PHIP: variants seen among roughly 807,000 people sequenced by gnomAD.
PHIP encodes the protein PHIP subunit of CUL4-Ring ligase complex.
Under a neutral mutation model 236.8 loss-of-function variants are expected in PHIP, and 54 were observed. That is an observed-to-expected ratio of 0.23 (90% CI 0.18 to 0.29). The LOEUF is 0.29. PHIP is among the 10% of genes least tolerant of loss of function. The probability of loss-of-function intolerance (pLI) is 1.00; values close to 1 mark genes in which losing one functional copy is unlikely to be tolerated. For missense variants in PHIP, 1,370 were observed against 2,190.8 expected, an observed-to-expected ratio of 0.63 and a Z score of 7.48; for synonymous variants, 756 against 718.9, an observed-to-expected ratio of 1.05 and a Z score of -0.83.
chr6:78,985,474 A>C (rs767089302), intron 21 of PHIP, 46 bp from the exon 22 acceptor site: 14 of 920,308 alleles, frequency 1.5e-5, no homozygotes, highest in Middle Eastern at 2.1e-4. Flanking sequence ...TTTATAAAAT[A>C]ACATTTTATG....
chr6:78,967,319 ATTC>A (rs1767209122), intron 27 of PHIP, among the ~76,000 whole-genome samples: 1 of 152,218 alleles, frequency 6.6e-6, no homozygotes, highest in Non-Finnish European at 1.5e-5. Context: ...AATAAGAAGC[ATTC>A]TTGACACCAC....
At chr6:79,039,983 A>G (rs1772129302) in intron 7 of PHIP, among the ~76,000 whole-genome samples, 1 of 152,164 alleles carries the variant, frequency 6.6e-6, no homozygotes, top group Non-Finnish European at 1.5e-5. Flanking sequence ...ACAGAATTTC[A>G]TTATCAATTA....
chr6:78,951,046 TTTAA>T (rs1190937859), intron 35 of PHIP, among the ~76,000 whole-genome samples: 1 of 152,174 alleles, frequency 6.6e-6, no homozygotes, highest in Non-Finnish European at 1.5e-5. Context: ...CTGAATTTGT[TTTAA>T]TTGAGTTCAA....
intron 6 of PHIP, among the ~76,000 whole-genome samples, chr6:79,050,443 C>T (rs565626793): frequency 4.9e-4 from 74 of 152,250 alleles, no homozygotes; most frequent in Admixed American, 6.5e-4. Context: ...GGTTTAAACT[C>T]AGGCAGTCTG....
chr6:78,965,561 T>C, intron 29 of PHIP, 142 bp downstream of exon 29: 1 of 570,154 alleles, frequency 1.8e-6, no homozygotes, highest in Non-Finnish European at 3.2e-6. Flanking sequence ...TACTTCAAGG[T>C]GTACAATAAT....
intron 4 of PHIP, among the ~76,000 whole-genome samples, chr6:79,068,295 T>C (rs1342306800): frequency 1.3e-5 from 2 of 152,132 alleles, no homozygotes; most frequent in African/African-American, 2.4e-5. Flanking sequence ...AAACCCCGTC[T>C]CTACCAAAAA....
intron 4 of PHIP, among the ~76,000 whole-genome samples, chr6:79,069,794 T>G (rs1773797539): frequency 6.6e-6 from 1 of 152,082 alleles, no homozygotes; most frequent in African/African-American, 2.4e-5. Flanking sequence ...ATATAGAACC[T>G]TATTAAGTGT....
At chr6:79,060,975 ATAGT>A (rs1456202758) in intron 4 of PHIP, among the ~76,000 whole-genome samples, 157 bp from the exon 5 acceptor site, 87 of 152,218 alleles carry the variant, frequency 5.7e-4, no homozygotes, top group Non-Finnish European at 1.0e-3. Context: ...TTAAGAACTG[ATAGT>A]TTGTTATTAA....
intron 31 of PHIP, among the ~76,000 whole-genome samples, chr6:78,959,917 T>C (rs1037565280): frequency 6.6e-6 from 1 of 152,134 alleles, no homozygotes; most frequent in African/African-American, 2.4e-5. Flanking sequence ...CAGCCAAGCC[T>C]ACCTCAAATG....
At chr6:79,077,412 G>T in intron 4 of PHIP, 36 bp downstream of exon 4, 1 of 1,552,462 alleles carries the variant, frequency 6.4e-7, no homozygotes, top group South Asian at 1.1e-5. Context: ...TCGACTCAGG[G>T]AAAAGTTTCT....
chr6:78,951,771 ACTTT>A (rs1157309587), intron 35 of PHIP, among the ~76,000 whole-genome samples: 1 of 152,222 alleles, frequency 6.6e-6, no homozygotes, highest in East Asian at 1.9e-4. Flanking sequence ...AAAGTGAACT[ACTTT>A]CTTTATATAA....
chr6:79,000,415 A>T (rs923312132), intron 17 of PHIP, among the ~76,000 whole-genome samples: 2 of 152,080 alleles, frequency 1.3e-5, no homozygotes, highest in African/African-American at 4.8e-5. Context: ...ATGACACATT[A>T]CCATTAAATT....
In PHIP at chr6:79,001,847, A is replaced by T. The variant is rs922319070; in HGVS notation, c.1879+52T>A. 6 of 1,172,168 alleles carry T rather than the reference A, an allele frequency of 5.1e-6. No homozygotes were observed. In the Admixed American group the frequency reaches 8.7e-5, roughly 17 times the overall value. The allele number at this position is 1,172,168 out of a possible 1,614,324, so 72.6% of individuals were successfully genotyped here. On this transcript the variant is annotated intron_variant, in intron 17 of 39. Coordinates refer to ENST00000275034, the MANE Select transcript of PHIP (RefSeq NM_017934.7). ...AAGTTTTACTCAATTAGCAATTTTA[A>T]CAGTTCGGTGGGAAGAAGAAAATTT...
At chr6:79,020,502 T>A (rs554297082) in intron 9 of PHIP, among the ~76,000 whole-genome samples, 52 of 152,344 alleles carry the variant, frequency 3.4e-4, no homozygotes, top group Non-Finnish European at 6.8e-4. Flanking sequence ...GGCAACTAAA[T>A]GCATTGCTTT....
intron 30 of PHIP, 47 bp downstream of exon 30, chr6:78,963,050 T>A: frequency 6.6e-7 from 1 of 1,514,648 alleles, no homozygotes; most frequent in Non-Finnish European, 8.9e-7. Flanking sequence ...TTTCCATTAC[T>A]TTGTGTTCTG....
At chr6:79,063,718 T>G (rs1773496027) in intron 4 of PHIP, among the ~76,000 whole-genome samples, 1 of 152,162 alleles carries the variant, frequency 6.6e-6, no homozygotes, top group East Asian at 1.9e-4. Context: ...TCCGGCCAAT[T>G]CTAACAGTTT....
At chr6:79,060,891 A>G in intron 4 of PHIP, 73 bp from the exon 5 acceptor site, 1 of 1,005,616 alleles carries the variant, frequency 9.9e-7, no homozygotes, top group Non-Finnish European at 1.5e-6. Flanking sequence ...AGCAACAATA[A>G]AAAAATTCAT....
At chr6:79,069,340 T>C (rs950552122) in intron 4 of PHIP, among the ~76,000 whole-genome samples, 2 of 151,820 alleles carry the variant, frequency 1.3e-5, no homozygotes, top group African/African-American at 4.8e-5. Context: ...GGTTAAATTA[T>C]ATCTATAATC....
At chr6:79,009,149 A>G (rs1259249302) in intron 15 of PHIP, among the ~76,000 whole-genome samples, 1 of 152,110 alleles carries the variant, frequency 6.6e-6, no homozygotes, top group Non-Finnish European at 1.5e-5. Context: ...CTATAAAATA[A>G]TTTACTAAAG....
Sources: allele counts gnomAD v4.1 joint callset (sites outside exome capture counted in the v4.1 genomes callset), GRCh38; gene constraint gnomAD v4.1.1; transcripts MANE v1.5; gene names NCBI Gene and HGNC (gene_info 2026-07-23, HGNC 2026-07-21).